Variants in ZNF704 observed in about 807,000 individuals in gnomAD.
ZNF704 encodes glucocorticoid induced gene 1.
In ZNF704, 10 loss-of-function variants were observed where a neutral mutation model predicts 44.7. That is an observed-to-expected ratio of 0.22 (90% confidence interval 0.14 to 0.38). ZNF704 has a LOEUF of 0.38. Ranked by LOEUF, ZNF704 falls within the 10% of genes least tolerant of loss-of-function variation. The pLI is 1.00. For synonymous variants in ZNF704, 211 were observed against 207.6 expected (o/e 1.02, Z -0.14); for missense variants, 390 against 545.5 (o/e 0.71, Z 2.84).
rs191810603 is a variant in ZNF704, at chr8:80,819,799, A to G, written c.221+1575T>C. On this transcript the variant is annotated intron_variant, in intron 2 of 8. Transcript: ENST00000327835. Reference sequence around the variant, plus strand: ...AGTAATGAATACGTGAAAATTTTCAATTAAAGGTTAAAGAAAACTAAGAGG... The same window carrying G: ...AGTAATGAATACGTGAAAATTTTCAGTTAAAGGTTAAAGAAAACTAAGAGG... Among the ~76,000 whole-genome samples, 411 of 152,330 alleles carry G rather than the reference A, an allele frequency of 2.7e-3. 1 individual carries two copies. The highest frequency in any genetic ancestry group is 9.6e-3 in the African/African-American group (400 of 41,584).
At chr8:80,653,685 A>G (rs951973191) in intron 7 of ZNF704, among the ~76,000 whole-genome samples, 2 of 152,318 alleles carry the variant, frequency 1.3e-5, no homozygotes, top group African/African-American at 4.8e-5. Context: ...TCAATGAAAT[A>G]AAAGAGGATA....
intron 7 of ZNF704, among the ~76,000 whole-genome samples, chr8:80,643,449 G>A (rs1272857403): frequency 2.0e-5 from 3 of 150,348 alleles, no homozygotes; most frequent in East Asian, 2.0e-4. Flanking sequence ...ACCCCGGGGC[G>A]GAGGTTGCAG....
At chr8:80,846,580 A>G (rs1427669286) in intron 1 of ZNF704, among the ~76,000 whole-genome samples, 2 of 152,226 alleles carry the variant, frequency 1.3e-5, no homozygotes, top group Non-Finnish European at 2.9e-5. Context: ...TAACATTGTC[A>G]AAGCTCTCAA....
intron 4 of ZNF704, among the ~76,000 whole-genome samples, chr8:80,677,602 A>C (rs573299915): frequency 6.6e-6 from 1 of 152,166 alleles, no homozygotes; most frequent in African/African-American, 2.4e-5. Flanking sequence ...CTGTTACCCA[A>C]AGAAAATTAG....
At position 80,809,031 on chromosome 8, in the gene ZNF704, TC is replaced by T. The variant is rs370179824; in HGVS notation, c.221+12342del. Among the ~76,000 whole-genome samples the T allele has an allele frequency of 1.6e-3, 246 of 152,252 alleles. 1 individual carries two copies. The highest frequency in any genetic ancestry group is 5.7e-3 in the African/African-American group (235 of 41,528). On this transcript the variant is annotated intron_variant, in intron 2 of 8. Transcript: ENST00000327835. ...ATCCAGCTGGGTGCGGTGCCTGACATCTGTAATCCCAGCACTTTGGGAGGCC... is the reference window on the plus strand; with the variant it reads ...ATCCAGCTGGGTGCGGTGCCTGACATTGTAATCCCAGCACTTTGGGAGGCC...
intron 2 of ZNF704, among the ~76,000 whole-genome samples, chr8:80,723,121 A>C (rs73693873): frequency 0.032 from 4,808 of 152,328 alleles, 261 homozygotes; most frequent in African/African-American, 0.11. Context: ...ACAAAACTAC[A>C]AAGTTTTCTT....
At chr8:80,710,038 T>C (rs565342010) in intron 2 of ZNF704, among the ~76,000 whole-genome samples, 3 of 152,280 alleles carry the variant, frequency 2.0e-5, no homozygotes, top group African/African-American at 4.8e-5. Flanking sequence ...TGAGGACCAG[T>C]TGTCTGCTTA....
intron 4 of ZNF704, among the ~76,000 whole-genome samples, chr8:80,672,304 T>C (rs865803448): frequency 1.3e-5 from 2 of 152,170 alleles, no homozygotes; most frequent in South Asian, 2.1e-4. Context: ...CGAGGATGCA[T>C]ATACACTGGT....
At chr8:80,676,470 A>T (rs191921206) in intron 4 of ZNF704, among the ~76,000 whole-genome samples, 24 of 152,288 alleles carry the variant, frequency 1.6e-4, no homozygotes, top group Admixed American at 9.8e-4. Flanking sequence ...TCTCTGCTGG[A>T]AAAAGGAGGG....
chr8:80,697,230 G>A (rs915172062), intron 2 of ZNF704, among the ~76,000 whole-genome samples: 1 of 152,108 alleles, frequency 6.6e-6, no homozygotes, highest in African/African-American at 2.4e-5. Context: ...GTGCCAGGAT[G>A]AGTGGTTTGT....
intron 2 of ZNF704, among the ~76,000 whole-genome samples, chr8:80,697,253 A>G (rs1563522549): frequency 6.6e-6 from 1 of 152,176 alleles, no homozygotes. Context: ...TATTCCTATA[A>G]GCAAAGCGCA....
chr8:80,718,276 A>G (rs1479612217), intron 2 of ZNF704, among the ~76,000 whole-genome samples: 1 of 152,068 alleles, frequency 6.6e-6, no homozygotes, highest in African/African-American at 2.4e-5. Context: ...GATATCCTCC[A>G]TCAAAATTAA....
At chr8:80,873,081 CAAGA>C (rs1306825961) in intron 1 of ZNF704, among the ~76,000 whole-genome samples, 2 of 152,162 alleles carry the variant, frequency 1.3e-5, no homozygotes, top group East Asian at 3.9e-4. Flanking sequence ...GAGAGATTGA[CAAGA>C]AACACCGCTT....
intron 2 of ZNF704, among the ~76,000 whole-genome samples, chr8:80,780,055 G>A (rs11995027): frequency 0.074 from 11,322 of 152,052 alleles, 504 homozygotes; most frequent in Middle Eastern, 0.13. Context: ...AGGTGATACA[G>A]GGGTAGGGGT....
At position 80,791,937 on chromosome 8, in the gene ZNF704, C is replaced by T. The variant is rs563978681; in HGVS notation, c.221+29437G>A. ...GCTGGACTTGAGTCTTGGGAATCAG[C>T]TCACAATGGGTGCCTGACTCTTGAG... On this transcript the variant is annotated intron_variant, in intron 2 of 8. Coordinates refer to ENST00000327835, the MANE Select transcript of ZNF704 (RefSeq NM_001033723.3). Among the ~76,000 whole-genome samples, 3 of 152,290 alleles carry T rather than the reference C, an allele frequency of 2.0e-5. No individual in the cohort carries two copies. In the East Asian group the frequency reaches 5.8e-4, roughly 29 times the overall value.
intron 2 of ZNF704, among the ~76,000 whole-genome samples, chr8:80,783,767 C>T (rs1807569316): frequency 6.6e-6 from 1 of 152,100 alleles, no homozygotes; most frequent in African/African-American, 2.4e-5. Flanking sequence ...ACAGTTTACA[C>T]TAGGGGTCAC....
intron 8 of ZNF704, among the ~76,000 whole-genome samples, 184 bp downstream of exon 8, chr8:80,642,851 C>T (rs531822262): frequency 1.3e-5 from 2 of 152,104 alleles, no homozygotes; most frequent in South Asian, 4.2e-4. Flanking sequence ...ATCATTACCC[C>T]CCGAAACAAC....
intron 7 of ZNF704, among the ~76,000 whole-genome samples, chr8:80,652,863 A>C (rs1817945905): frequency 6.6e-6 from 1 of 152,142 alleles, no homozygotes; most frequent in Admixed American, 6.6e-5. Flanking sequence ...GAGACACAAC[A>C]AAAAAAGAGA....
At chr8:80,878,785 A>T (rs1473462682), upstream of ZNF704, among the ~76,000 whole-genome samples, 1 of 152,218 alleles carries the variant, frequency 6.6e-6, no homozygotes, top group African/African-American at 2.4e-5. Flanking sequence ...AACACACAGT[A>T]CTTTCAAAAT....
Sources: gnomAD v4.1 joint callset for allele counts (sites outside exome capture counted in the v4.1 genomes callset) on GRCh38, gnomAD v4.1.1 for gene constraint, MANE v1.5 for transcripts, NCBI Gene and HGNC (gene_info 2026-07-23, HGNC 2026-07-21) for gene names.